Variants in ANO1 observed in about 807,000 individuals in gnomAD.
ANO1 encodes the protein anoctamin 1, also known as anoctamin-1.
A neutral mutation model predicts 124.0 loss-of-function variants in ANO1; 59 were observed. The ratio of observed to expected loss-of-function variants is 0.48; its 90% confidence interval spans 0.39 to 0.59. The LOEUF is 0.59. ANO1 is among the 20% of genes least tolerant of loss of function. The pLI is 0.00. For synonymous variants in ANO1, 529 were observed against 532.0 expected (o/e 0.99, Z 0.08); for missense variants, 1,059 against 1,328.0 (o/e 0.80, Z 3.15).
chr11:69,984,869 C>T (rs1554996692), upstream of ANO1, among the ~76,000 whole-genome samples: 3 of 152,204 alleles, frequency 2.0e-5, no homozygotes, highest in African/African-American at 7.2e-5. Context: ...GCTGCCCTGT[C>T]CCCCACGGCC....
intron 1 of ANO1, among the ~76,000 whole-genome samples, chr11:69,996,651 G>T (rs1234451572): frequency 6.6e-6 from 1 of 152,204 alleles, no homozygotes; most frequent in Non-Finnish European, 1.5e-5. Flanking sequence ...AGCTCAGAGA[G>T]GTTGAGTGAT....
rs567006852 is a variant in ANO1 at position 70,036,839 on chromosome 11, C to T, written c.59-41703C>T. Among the ~76,000 whole-genome samples the T allele has an allele frequency of 1.1e-4, 16 of 152,252 alleles. No homozygotes were observed. In the South Asian group the frequency reaches 3.3e-3, roughly 32 times the overall value. On this transcript the variant is annotated intron_variant, in intron 1 of 27. Coordinates refer to the ANO1 transcript ENST00000531349. Reference sequence around the variant, plus strand: ...AGCCAGGATGGTCTCAATCTCCTGACCTCGTGATCTGCCCGCCTCAGCCTC... The same window carrying T: ...AGCCAGGATGGTCTCAATCTCCTGATCTCGTGATCTGCCCGCCTCAGCCTC...
At chr11:70,037,906 G>A (rs1274177627) in intron 1 of ANO1, among the ~76,000 whole-genome samples, 1 of 152,116 alleles carries the variant, frequency 6.6e-6, no homozygotes, top group Non-Finnish European at 1.5e-5. Flanking sequence ...TTATTCCATG[G>A]CAGGGTCTTG....
chr11:70,149,448 C>T (rs1425195481), intron 11 of ANO1: 5 of 416,852 alleles, frequency 1.2e-5, no homozygotes, highest in Admixed American at 3.6e-5. Context: ...GTCAGGAGTT[C>T]GAGACCAGCC....
At chr11:70,069,972 CG>C (rs1857830301) in intron 1 of ANO1, among the ~76,000 whole-genome samples, 1 of 152,152 alleles carries the variant, frequency 6.6e-6, no homozygotes, top group Non-Finnish European at 1.5e-5. Flanking sequence ...CTATATGACA[CG>C]GATCTTTGGA....
the ANO1 span, among the ~76,000 whole-genome samples, chr11:69,974,312 C>G: frequency 0.024 from 3,653 of 152,202 alleles, 87 homozygotes; most frequent in African/African-American, 0.056. Flanking sequence ...AAGACAGAGC[C>G]AGGCTCTGTC....
At chr11:70,033,325 C>G (rs1362746569) in intron 1 of ANO1, among the ~76,000 whole-genome samples, 1 of 152,166 alleles carries the variant, frequency 6.6e-6, no homozygotes, top group Non-Finnish European at 1.5e-5. Context: ...TTCCAACAAA[C>G]CCTCCAAGAT....
At chr11:70,165,723 G>A (rs2048231887) in intron 20 of ANO1, among the ~76,000 whole-genome samples, 153 bp downstream of exon 20, 1 of 152,044 alleles carries the variant, frequency 6.6e-6, no homozygotes, top group Admixed American at 6.6e-5. Context: ...GGGAAGGTGG[G>A]GCAAAAGCCA....
At chr11:70,099,343 C>T (rs767426292) in intron 2 of ANO1, among the ~76,000 whole-genome samples, 3 of 152,136 alleles carry the variant, frequency 2.0e-5, no homozygotes, top group Non-Finnish European at 2.9e-5. Context: ...CAGATGTTTC[C>T]CTGGGAGAGA....
chr11:70,116,744 G>A (rs2045991353), intron 8 of ANO1, among the ~76,000 whole-genome samples: 1 of 152,178 alleles, frequency 6.6e-6, no homozygotes, highest in Non-Finnish European at 1.5e-5. Context: ...GTGACCGTGA[G>A]CATGGGAAAG....
intron 11 of ANO1, among the ~76,000 whole-genome samples, chr11:70,147,464 C>T (rs1445469837): frequency 1.3e-5 from 2 of 152,188 alleles, no homozygotes; most frequent in African/African-American, 4.8e-5. Context: ...AGCCATGGTG[C>T]TCAGTGCGTG....
chr11:70,026,239 G>C (rs2135015979), intron 1 of ANO1, among the ~76,000 whole-genome samples: 1 of 144,208 alleles, frequency 6.9e-6, no homozygotes, highest in Non-Finnish European at 1.5e-5. Flanking sequence ...TAATGATGGT[G>C]GTGGTGATGA....
chr11:70,067,238 C>T (rs1029968787), intron 1 of ANO1, among the ~76,000 whole-genome samples: 2 of 151,990 alleles, frequency 1.3e-5, no homozygotes, highest in Non-Finnish European at 2.9e-5. Flanking sequence ...TCCCACCTGC[C>T]GTGTCATTTG....
chr11:70,059,281 G>A (rs1459678505), intron 1 of ANO1, among the ~76,000 whole-genome samples: 1 of 150,518 alleles, frequency 6.6e-6, no homozygotes, highest in Non-Finnish European at 1.5e-5. Context: ...AACCTGGGAG[G>A]TGGAGCTTGT....
chr11:70,124,324 CA>C (rs2046403059), intron 8 of ANO1, 25 bp from the exon 9 acceptor site: 1 of 1,613,138 alleles, frequency 6.2e-7, no homozygotes, highest in East Asian at 2.2e-5. Context: ...ACATTGTCAC[CA>C]ACCCCACTGC....
rs985608975 is a variant in ANO1, at chr11:70,128,369, G to A, written c.1097+2174G>A. 3.3e-5 allele frequency among the ~76,000 whole-genome samples: 5 copies of A among 152,206 alleles called. No homozygotes were observed. In the South Asian group the frequency reaches 6.2e-4, roughly 19 times the overall value. On this transcript the variant is annotated intron_variant, in intron 10 of 25. Coordinates refer to ENST00000355303, the MANE Select transcript of ANO1 (RefSeq NM_018043.7). The stretch of plus-strand genomic sequence containing the variant: ...GGCTTTAGGCTAGGAGCTCAAAGCC[G>A]GAGGAAAATGGTGAGTGTAAGGTGA...
chr11:69,974,427 A>G, the ANO1 span, among the ~76,000 whole-genome samples: 2 of 152,250 alleles, frequency 1.3e-5, no homozygotes, highest in African/African-American at 2.4e-5. Flanking sequence ...GTTCTCCATG[A>G]CAAACCTTGG....
chr11:70,142,888 C>T (rs529444791), intron 11 of ANO1, among the ~76,000 whole-genome samples: 3 of 152,164 alleles, frequency 2.0e-5, no homozygotes, highest in Non-Finnish European at 2.9e-5. Flanking sequence ...GTACGAATCC[C>T]ATCACGAGGA....
chr11:70,161,273 T>TCACAGC lies in ANO1; in HGVS notation c.1695_1700dup (p.Thr567_Ala568dup). Reference sequence around the variant, plus strand: ...GTGCGGTCCAACATCCGGGTCACAGTCACAGCCACCGCAGTCATCATCAAC... The same window carrying TCACAGC: ...GTGCGGTCCAACATCCGGGTCACAGTCACAGCCACAGCCACCGCAGTCATCATCAAC... On this transcript the variant is annotated inframe_insertion, in exon 17 of 26. Coordinates refer to ENST00000355303, the MANE Select transcript of ANO1 (RefSeq NM_018043.7). The TCACAGC allele has an allele frequency of 6.2e-7, 1 of 1,613,902 alleles. No individual in the cohort carries two copies. Among genetic ancestry groups the TCACAGC allele is most frequent in the South Asian group, 1.1e-5 (1 of 91,084 alleles).
Sources: allele counts gnomAD v4.1 joint callset (sites outside exome capture counted in the v4.1 genomes callset), GRCh38; gene constraint gnomAD v4.1.1; transcripts MANE v1.5; gene names NCBI Gene and HGNC (gene_info 2026-07-23, HGNC 2026-07-21).